SYN2: variants seen among roughly 807,000 people sequenced by gnomAD.
SYN2 encodes synapsin II.
In SYN2, 19 loss-of-function variants were observed where a neutral mutation model predicts 50.9. That is an observed-to-expected ratio of 0.37 (90% CI 0.26 to 0.55). The LOEUF is 0.55. Among genes scored for constraint, SYN2 ranks in the 20% least tolerant of loss-of-function variants. The pLI is 0.81. For missense variants in SYN2, 587 were observed against 576.4 expected (o/e 1.02, Z -0.19); for synonymous variants, 255 against 224.9 (o/e 1.13, Z -1.20).
At chr3:12,097,356 C>T (rs1319431503) in intron 1 of SYN2, among the ~76,000 whole-genome samples, 2 of 151,916 alleles carry the variant, frequency 1.3e-5, no homozygotes, top group African/African-American at 4.8e-5. Flanking sequence ...CTTGTAATCC[C>T]AGCACTTTGG....
Position 12,004,531 on chromosome 3 carries a change from G to C in SYN2, c.-21G>C. 1 of 591,972 alleles carries C rather than the reference G, an allele frequency of 1.7e-6. No homozygotes were observed. The highest frequency in any genetic ancestry group is 3.4e-5 in the East Asian group (1 of 29,442). The allele number at this position is 591,972 out of a possible 1,614,324, so 36.7% of individuals were successfully genotyped here. ...GCCACCAGACCCCGTAGCCCCGCGCGCCCCCAGCCCTTTAAGCCAGATGAT... is the reference window on the plus strand; with the variant it reads ...GCCACCAGACCCCGTAGCCCCGCGCCCCCCCAGCCCTTTAAGCCAGATGAT... On this transcript the variant is annotated 5_prime_UTR_variant, in exon 1 of 13. Transcript: ENST00000621198.
At chr3:12,150,689 C>T (rs1697263299) in intron 4 of SYN2, among the ~76,000 whole-genome samples, 1 of 152,212 alleles carries the variant, frequency 6.6e-6, no homozygotes, top group African/African-American at 2.4e-5. Context: ...CATACCATGA[C>T]CATTCTAATC....
intron 1 of SYN2, among the ~76,000 whole-genome samples, chr3:12,066,701 A>T (rs1695224087): frequency 3.9e-5 from 6 of 152,202 alleles, no homozygotes; most frequent in Admixed American, 3.9e-4. Flanking sequence ...CATGGTACTC[A>T]CATTCAGAAC....
intron 1 of SYN2, among the ~76,000 whole-genome samples, chr3:12,127,711 T>C (rs1266149377): frequency 1.3e-5 from 2 of 152,226 alleles, no homozygotes; most frequent in East Asian, 1.9e-4. Flanking sequence ...ATGTTTCTGC[T>C]GCGCCATGGT....
At chr3:12,027,333 G>A (rs984543134) in intron 1 of SYN2, among the ~76,000 whole-genome samples, 5 of 152,068 alleles carry the variant, frequency 3.3e-5, no homozygotes, top group Admixed American at 2.6e-4. Context: ...AGAGAGCTTC[G>A]GAGCCTGATA....
chr3:12,033,636 C>G (rs1405136322), intron 1 of SYN2, among the ~76,000 whole-genome samples: 1 of 152,178 alleles, frequency 6.6e-6, no homozygotes, highest in Non-Finnish European at 1.5e-5. Flanking sequence ...CTTAATCACC[C>G]CAAAAACCAT....
intron 1 of SYN2, among the ~76,000 whole-genome samples, chr3:12,091,420 AAATTT>A (rs1430642287): frequency 1.3e-5 from 2 of 152,192 alleles, no homozygotes; most frequent in Non-Finnish European, 2.9e-5. Context: ...CTATATGGGA[AAATTT>A]AATTAATCAG....
chr3:12,005,341 A>G (rs1449852809), intron 1 of SYN2, among the ~76,000 whole-genome samples: 3 of 152,184 alleles, frequency 2.0e-5, no homozygotes, highest in Admixed American at 6.5e-5. Context: ...GTTTAACTTC[A>G]TGAAGCACGG....
At chr3:12,015,876 A>G (rs1169607517) in intron 1 of SYN2, among the ~76,000 whole-genome samples, 1 of 152,140 alleles carries the variant, frequency 6.6e-6, no homozygotes, top group East Asian at 1.9e-4. Context: ...TGTCCTCCCA[A>G]GCACAACTAT....
chr3:12,137,973 A>T (rs558747490), intron 1 of SYN2, among the ~76,000 whole-genome samples: 1 of 152,326 alleles, frequency 6.6e-6, no homozygotes, highest in African/African-American at 2.4e-5. Context: ...AGGTCATACA[A>T]CCAGGAAAGG....
At chr3:12,048,099 A>G (rs1242392691) in intron 1 of SYN2, among the ~76,000 whole-genome samples, 1 of 152,196 alleles carries the variant, frequency 6.6e-6, no homozygotes, top group Non-Finnish European at 1.5e-5. Flanking sequence ...TGAAAGATTT[A>G]GCCTTTTTAT....
intron 1 of SYN2, among the ~76,000 whole-genome samples, chr3:12,106,154 C>A (rs901720757): frequency 4.6e-5 from 7 of 152,238 alleles, no homozygotes; most frequent in African/African-American, 1.7e-4. Flanking sequence ...AGCTTTTAGC[C>A]AGGGGCCACT....
chr3:12,159,180 A>G (rs1464132665), intron 5 of SYN2: 1 of 308,706 alleles, frequency 3.2e-6, no homozygotes, highest in Non-Finnish European at 6.0e-6. Context: ...AAAGAGCCAC[A>G]AAGACAAATG....
intron 2 of SYN2, 68 bp from the exon 3 acceptor site, chr3:12,141,837 G>A: frequency 5.2e-6 from 4 of 769,702 alleles, no homozygotes; most frequent in Non-Finnish European, 9.7e-6. Context: ...TAGGGATGTT[G>A]CTGCTGCTAT....
chr3:12,172,004 A>G (rs1328149956), intron 10 of SYN2, among the ~76,000 whole-genome samples: 3 of 152,334 alleles, frequency 2.0e-5, no homozygotes, highest in East Asian at 1.9e-4. Flanking sequence ...CTCCCTAAAT[A>G]TAGCATCTCT....
At chr3:12,098,863 A>ATG in intron 1 of SYN2, among the ~76,000 whole-genome samples, 1 of 146,732 alleles carries the variant, frequency 6.8e-6, no homozygotes, top group South Asian at 2.1e-4. Flanking sequence ...AAGCATATAT[A>ATG]TATATATATA....
At chr3:12,128,581 A>G (rs942777032) in intron 1 of SYN2, among the ~76,000 whole-genome samples, 1 of 152,188 alleles carries the variant, frequency 6.6e-6, no homozygotes, top group African/African-American at 2.4e-5. Flanking sequence ...AATTTTTCAT[A>G]TTATCATGTG....
chr3:12,070,155 C>T (rs1695313154), intron 1 of SYN2: 1 of 320,374 alleles, frequency 3.1e-6, no homozygotes, highest in African/African-American at 2.2e-5. Flanking sequence ...GAGTATCACA[C>T]AGTCGCTGCC....
At chr3:12,189,743 A>G (rs1698411548) in intron 12 of SYN2, among the ~76,000 whole-genome samples, 1 of 152,178 alleles carries the variant, frequency 6.6e-6, no homozygotes, top group Non-Finnish European at 1.5e-5. Flanking sequence ...CGGAGGTTGC[A>G]GTGAGCAGAG....
Sources: allele counts gnomAD v4.1 joint callset (sites outside exome capture counted in the v4.1 genomes callset), GRCh38; gene constraint gnomAD v4.1.1; transcripts MANE v1.5; gene names NCBI Gene and HGNC (gene_info 2026-07-23, HGNC 2026-07-21).